Variants in SCRN3 observed in about 807,000 individuals in gnomAD.
The protein encoded by SCRN3 is secernin 3.
A neutral mutation model predicts 43.1 loss-of-function variants in SCRN3; 39 were observed. The observed-to-expected ratio is 0.91, with a 90% CI of 0.70 to 1.18. The LOEUF (loss-of-function observed/expected upper bound fraction) is 1.18. SCRN3 is among the 50% of genes most tolerant of loss of function. The pLI is 0.00. For missense variants in SCRN3, 484 were observed against 498.0 expected (o/e 0.97, Z 0.27); for synonymous variants, 147 against 163.1 (o/e 0.90, Z 0.75).
In SCRN3 at chr2:174,428,968, A is replaced by C. The variant is rs901720347; in HGVS notation, c.*1073A>C. On this transcript the variant is annotated 3_prime_UTR_variant, in exon 8 of 8. Transcript: ENST00000272732. ...ATCATATTTACTAGTCACTATCAGC[A>C]CAATTAGGTTAATAAAGAAGTGGGT... The C allele has an allele frequency of 7.2e-5, 11 of 152,330 alleles. No individual in the cohort carries two copies. The East Asian group carries it at 2.1e-3, about 29-fold the overall frequency. The allele number at this position is 152,330 out of a possible 1,614,324, so 9.4% of individuals were successfully genotyped here.
At position 174,399,920 on chromosome 2, in the gene SCRN3, A is replaced by G. The variant is rs773594839; in HGVS notation, c.160-2A>G. 3 of 1,265,396 alleles carry G rather than the reference A, an allele frequency of 2.4e-6. No individual in the cohort carries two copies. Among genetic ancestry groups the G allele is most frequent in the Admixed American group, 6.7e-5 (2 of 29,668 alleles). 78.4% of individuals were successfully genotyped at this position (1,265,396 alleles called of 1,614,324 possible). A position where few individuals can be genotyped will look rare whatever the true frequency, so the allele number is the denominator to read the frequency against. Reference sequence around the variant, plus strand: ...ATGACTTTTTTTTTTTTTTTTTTACAGTGTACATATATAGAAATTGATCAA... The same window carrying G: ...ATGACTTTTTTTTTTTTTTTTTTACGGTGTACATATATAGAAATTGATCAA... On this transcript the variant is annotated splice_acceptor_variant, in intron 2 of 7. Coordinates refer to ENST00000272732, the MANE Select transcript of SCRN3 (RefSeq NM_024583.5). LOFTEE classifies it high-confidence loss of function.
chr2:174,426,195 A>G (rs1398996371), intron 7 of SCRN3, among the ~76,000 whole-genome samples: 1 of 152,186 alleles, frequency 6.6e-6, no homozygotes, highest in East Asian at 1.9e-4. Context: ...CCTCACCTCA[A>G]TATAAATATA....
At chr2:174,425,073 T>G (rs1238535473) in intron 7 of SCRN3, among the ~76,000 whole-genome samples, 1 of 152,200 alleles carries the variant, frequency 6.6e-6, no homozygotes, top group Non-Finnish European at 1.5e-5. Context: ...TTGACCTGGT[T>G]TCTTAACGTA....
In SCRN3 at chr2:174,404,266, T is replaced by C. The variant is rs1685611512; in HGVS notation, c.705T>C (p.Thr235=). 1.2e-6 allele frequency: 2 copies of C among 1,613,710 alleles called. No individual in the cohort carries two copies. The highest frequency in any genetic ancestry group is 1.7e-6 in the Non-Finnish European group (2 of 1,179,800). ...YSYLDTAKMM[T]SSGRYCEGYK... ...ATCTTGACACAGCCAAGATGATGAC[T>C]TCATCAGGCAGATACTGTGAGGGCT... is the stretch of plus-strand genomic sequence containing the variant. The change falls in exon 5 of 8, where the codon ACT becomes ACC. Residue 235 remains threonine (T), a synonymous_variant. Coordinates refer to ENST00000272732, the MANE Select transcript of SCRN3 (RefSeq NM_024583.5).
At chr2:174,401,959 A>G (rs1465175455) in intron 4 of SCRN3, among the ~76,000 whole-genome samples, 1 of 152,214 alleles carries the variant, frequency 6.6e-6, no homozygotes, top group African/African-American at 2.4e-5. Context: ...AGATGATTTG[A>G]ACATTTAGAG....
Position 174,398,295 on chromosome 2 carries a change from T to C in SCRN3, c.12T>C (p.Phe4=). The C allele has an allele frequency of 6.3e-7, 1 of 1,576,528 alleles. No homozygotes were observed. The highest frequency in any genetic ancestry group is 8.6e-7 in the Non-Finnish European group (1 of 1,168,258). ...TTTAGTTAAAAAAAATGGAACCTTT[T>C]TCCTGTGACACTTTCGTGGCATTAC... is the stretch of plus-strand genomic sequence containing the variant. MEP[F]SCDTFVALPP... The change falls in exon 2 of 8, where the codon TTT becomes TTC. Residue 4 remains phenylalanine, a synonymous_variant. Coordinates refer to ENST00000272732, the MANE Select transcript of SCRN3 (RefSeq NM_024583.5).
chr2:174,415,924 T>C (rs900827030), intron 5 of SCRN3, among the ~76,000 whole-genome samples: 1 of 152,128 alleles, frequency 6.6e-6, no homozygotes, highest in Admixed American at 6.6e-5. Flanking sequence ...AGATTACAGG[T>C]GCGAGCCATT....
At chr2:174,426,276 G>A (rs1267194539) in intron 7 of SCRN3, among the ~76,000 whole-genome samples, 1 of 152,104 alleles carries the variant, frequency 6.6e-6, no homozygotes, top group East Asian at 1.9e-4. Flanking sequence ...TTGTGTATTT[G>A]ATGAAGTAGG....
At position 174,399,984 on chromosome 2, in the gene SCRN3, G is replaced by T; in HGVS notation, c.222G>T (p.Ala74=). The T allele has an allele frequency of 2.5e-6, 4 of 1,589,226 alleles. No homozygotes were observed. The highest frequency in any genetic ancestry group is 1.4e-5 in the African/African-American group (1 of 72,478). ...ATGCTGTTGTCCTGAGTCGCCCAGC[G>T]TGGTTGTGGGGGGCAGAAATGGGAG... The part of the protein sequence containing the change: ...ETYAVVLSRP[A]WLWGAEMGAN... Residue 74 remains alanine, a synonymous_variant, in exon 3 of 8, where the codon GCG becomes GCT. Coordinates refer to ENST00000272732, the MANE Select transcript of SCRN3 (RefSeq NM_024583.5).
intron 5 of SCRN3, among the ~76,000 whole-genome samples, chr2:174,406,111 G>A (rs1685684989): frequency 7.2e-6 from 1 of 139,100 alleles, no homozygotes; most frequent in African/African-American, 2.5e-5. Flanking sequence ...TCTTCCATTT[G>A]TTTGTATCCT....
intron 5 of SCRN3, among the ~76,000 whole-genome samples, chr2:174,410,655 C>T (rs997773685): frequency 1.3e-5 from 2 of 152,152 alleles, no homozygotes; most frequent in South Asian, 2.1e-4. Context: ...AACCTGGAGA[C>T]AGGCTTCTTT....
intron 5 of SCRN3, among the ~76,000 whole-genome samples, chr2:174,422,623 G>A (rs755162119): frequency 4.0e-5 from 6 of 148,584 alleles, no homozygotes; most frequent in Admixed American, 6.7e-5. Flanking sequence ...ATATTTTTGC[G>A]TTATTAATTC....
intron 5 of SCRN3, among the ~76,000 whole-genome samples, chr2:174,410,891 G>C (rs2105592514): frequency 6.6e-6 from 1 of 152,182 alleles, no homozygotes; most frequent in Non-Finnish European, 1.5e-5. Flanking sequence ...AATGAAGAGA[G>C]GGCCCACACA....
rs1686589047 is a variant in SCRN3 at position 174,429,439 on chromosome 2, C to T, written c.*1544C>T. ...AATTTAAATCTGATTATGAATTCCC[C>T]TCCTAAAACTCTTTTTTAAAAGAGA... On this transcript the variant is annotated 3_prime_UTR_variant, in exon 8 of 8. Transcript: ENST00000272732. 1 of 152,128 alleles carries T rather than the reference C, an allele frequency of 6.6e-6. No homozygotes were observed. The highest frequency in any genetic ancestry group is 2.4e-5 in the African/African-American group (1 of 41,416). The allele number at this position is 152,128 out of a possible 1,614,324, so 9.4% of individuals were successfully genotyped here.
chr2:174,397,541 C>A, intron 1 of SCRN3: 2 of 280,408 alleles, frequency 7.1e-6, no homozygotes, highest in Non-Finnish European at 1.1e-5. Context: ...ATTTCAGTCT[C>A]ATCAGAATTA....
At chr2:174,397,281 G>A in intron 1 of SCRN3, 1 of 984,966 alleles carries the variant, frequency 1.0e-6, no homozygotes, top group Non-Finnish European at 1.2e-6. Flanking sequence ...TTAAGGTTTT[G>A]CCATTATTAA....
chr2:174,421,436 A>G (rs555773946), intron 5 of SCRN3, among the ~76,000 whole-genome samples: 3 of 152,336 alleles, frequency 2.0e-5, no homozygotes, highest in South Asian at 4.1e-4. Flanking sequence ...TGCAGTGCTT[A>G]AAGTCTATTG....
At position 174,403,556 on chromosome 2, in the gene SCRN3, A is replaced by T. The variant is rs545355101; in HGVS notation, c.542-547A>T. On this transcript the variant is annotated intron_variant, in intron 4 of 7. Transcript: ENST00000272732. Reference sequence around the variant, plus strand: ...TAAAAATAATAAACTATTGATATATACAATAACATAGATGAATCTTTAGCG... The same window carrying T: ...TAAAAATAATAAACTATTGATATATTCAATAACATAGATGAATCTTTAGCG... Among the ~76,000 whole-genome samples the T allele has an allele frequency of 1.2e-4, 18 of 152,356 alleles. No homozygotes were observed. The South Asian group carries it at 3.5e-3, about 30-fold the overall frequency.
chr2:174,401,287 C>T, intron 4 of SCRN3, 98 bp downstream of exon 4: 1 of 950,720 alleles, frequency 1.1e-6, no homozygotes, highest in East Asian at 2.6e-5. Flanking sequence ...GATTAATAAT[C>T]TAGTGTAATG....
Sources: gnomAD v4.1 joint callset for allele counts (sites outside exome capture counted in the v4.1 genomes callset) on GRCh38, gnomAD v4.1.1 for gene constraint, MANE v1.5 for transcripts, NCBI Gene and HGNC (gene_info 2026-07-23, HGNC 2026-07-21) for gene names.